The following VWC2L variants were observed in gnomAD, a reference collection of about 807,000 sequenced individuals.
VWC2L encodes von Willebrand factor C domain containing 2 like, also known as von Willebrand factor C domain-containing protein 2-like.
A neutral mutation model predicts 21.6 loss-of-function variants in VWC2L; 10 were observed. The observed-to-expected ratio is 0.46, with a 90% confidence interval of 0.29 to 0.78. The LOEUF is 0.78. Ranked by LOEUF, VWC2L falls within the 30% of genes least tolerant of loss-of-function variation. The pLI is 0.10. For synonymous variants in VWC2L, 96 were observed against 94.3 expected, an observed-to-expected ratio of 1.02 and a Z score of -0.10; for missense variants, 209 against 277.1, an observed-to-expected ratio of 0.75 and a Z score of 1.74.
intron 3 of VWC2L, among the ~76,000 whole-genome samples, chr2:214,485,816 C>G (rs1387259225): frequency 1.3e-5 from 2 of 152,144 alleles, no homozygotes; most frequent in African/African-American, 4.8e-5. Flanking sequence ...TCTCTAGTGC[C>G]TAGCTGAATT....
At chr2:214,445,086 AT>A (rs1415045555) in intron 3 of VWC2L, among the ~76,000 whole-genome samples, 1 of 151,928 alleles carries the variant, frequency 6.6e-6, no homozygotes, top group Admixed American at 6.6e-5. Flanking sequence ...GTTAAAAAAA[AT>A]AAACAAATAT....
At position 214,563,285 on chromosome 2, in the gene VWC2L, C is replaced by T. The variant is rs188980764; in HGVS notation, c.521-12387C>T. Among the ~76,000 whole-genome samples the T allele has an allele frequency of 1.4e-3, 217 of 152,060 alleles. 3 individuals are homozygous for T. In the East Asian group the frequency reaches 0.022, roughly 15 times the overall value. On this transcript the variant is annotated intron_variant, in intron 3 of 3. Transcript: ENST00000312504. ...GTTGTAGGCCGGGTGCGGTGGTGCA[C>T]GCCTGTAATCCCAGCACTTTGGGAG... is the stretch of plus-strand genomic sequence containing the variant.
chr2:214,445,594 GAA>G (rs1251084650), intron 3 of VWC2L, among the ~76,000 whole-genome samples: 6 of 151,186 alleles, frequency 4.0e-5, no homozygotes, highest in African/African-American at 1.2e-4. Flanking sequence ...ACATGTATAG[GAA>G]AAAGACTAGA....
chr2:214,446,263 C>T (rs1482953388), intron 3 of VWC2L, among the ~76,000 whole-genome samples: 1 of 152,160 alleles, frequency 6.6e-6, no homozygotes, highest in Non-Finnish European at 1.5e-5. Flanking sequence ...CTATGAAAGG[C>T]AGTTTCAAAG....
chr2:214,546,523 G>A (rs1052328523), intron 3 of VWC2L, among the ~76,000 whole-genome samples: 5 of 152,132 alleles, frequency 3.3e-5, no homozygotes, highest in Non-Finnish European at 7.4e-5. Flanking sequence ...CATTGCCAGA[G>A]ATTGTTAGTT....
At position 214,414,490 on chromosome 2, in the gene VWC2L, A is replaced by C; in HGVS notation, c.297A>C (p.Lys99Asn). The change falls in exon 2 of 4, where the codon AAA (lysine) becomes AAC (asparagine). Residue 99 changes from lysine to asparagine, a missense_variant. Lys to Asn is a moderately conservative substitution (Grantham distance 94). Transcript: ENST00000312504. ...CTAAAATTCACCCAAAGTGTACTAA[A>C]GTGGAACACAATGGATGCTGTCCTG... ...ECPKIHPKCT[K>N]VEHNGCCPEC... The C allele has an allele frequency of 6.2e-7, 1 of 1,613,590 alleles. No individual in the cohort carries two copies. Among genetic ancestry groups the C allele is most frequent in the Non-Finnish European group, 8.5e-7 (1 of 1,179,694 alleles).
intron 3 of VWC2L, among the ~76,000 whole-genome samples, chr2:214,453,935 G>T (rs1197151187): frequency 6.6e-6 from 1 of 151,920 alleles, no homozygotes; most frequent in East Asian, 1.9e-4. Context: ...TGCCCAGGCT[G>T]GTCTCGAACT....
At chr2:214,540,374 G>A (rs1293192125) in intron 3 of VWC2L, among the ~76,000 whole-genome samples, 1 of 152,120 alleles carries the variant, frequency 6.6e-6, no homozygotes, top group Non-Finnish European at 1.5e-5. Flanking sequence ...CATAGGCAAG[G>A]TTCTGCAGAT....
At chr2:214,511,093 C>A (rs921332320) in intron 3 of VWC2L, among the ~76,000 whole-genome samples, 1 of 151,884 alleles carries the variant, frequency 6.6e-6, no homozygotes. Context: ...CTGAGACCAG[C>A]CCAGGCAAGA....
chr2:214,541,545 G>T (rs1574626739), intron 3 of VWC2L, among the ~76,000 whole-genome samples: 1 of 152,238 alleles, frequency 6.6e-6, no homozygotes, highest in South Asian at 2.1e-4. Flanking sequence ...TAATTGTTTG[G>T]GTAGTGCATG....
intron 2 of VWC2L, among the ~76,000 whole-genome samples, chr2:214,428,923 A>C (rs1477505026): frequency 6.6e-6 from 1 of 152,054 alleles, no homozygotes; most frequent in Non-Finnish European, 1.5e-5. Flanking sequence ...TTAGACCCTA[A>C]AAGGTCTTAA....
chr2:214,414,047 T>G, intron 1 of VWC2L, 67 bp from the exon 2 acceptor site: 1 of 884,826 alleles, frequency 1.1e-6, no homozygotes, highest in East Asian at 2.7e-5. Flanking sequence ...TTTAAGAGCG[T>G]GGGCTTAAAT....
chr2:214,526,407 A>G (rs542953155), intron 3 of VWC2L, among the ~76,000 whole-genome samples: 46 of 152,320 alleles, frequency 3.0e-4, no homozygotes, highest in African/African-American at 1.1e-3. Flanking sequence ...CCATATTCAT[A>G]TAATACTTTT....
At chr2:214,513,867 A>T (rs1161963233) in intron 3 of VWC2L, among the ~76,000 whole-genome samples, 2 of 152,128 alleles carry the variant, frequency 1.3e-5, no homozygotes, top group Non-Finnish European at 2.9e-5. Context: ...AGGTGTATGA[A>T]GTCTTCCCTT....
intron 3 of VWC2L, among the ~76,000 whole-genome samples, chr2:214,562,081 A>C (rs909918101): frequency 1.3e-5 from 2 of 152,006 alleles, no homozygotes; most frequent in Non-Finnish European, 2.9e-5. Context: ...GATTTGCTGC[A>C]CCTATCAACT....
At chr2:214,575,101 C>T (rs1364855317) in intron 3 of VWC2L, among the ~76,000 whole-genome samples, 1 of 148,240 alleles carries the variant, frequency 6.7e-6, no homozygotes, top group Non-Finnish European at 1.5e-5. Flanking sequence ...ATCAAATGAA[C>T]CTCTAACAAA....
intron 3 of VWC2L, among the ~76,000 whole-genome samples, chr2:214,505,725 A>G (rs1206972610): frequency 6.6e-6 from 1 of 152,138 alleles, no homozygotes; most frequent in African/African-American, 2.4e-5. Context: ...CTGGCCCTGT[A>G]TTCAATTCAA....
intron 3 of VWC2L, among the ~76,000 whole-genome samples, chr2:214,442,786 A>T (rs181283800): frequency 6.6e-6 from 1 of 152,270 alleles, no homozygotes; most frequent in East Asian, 1.9e-4. Context: ...CAAAGATTGC[A>T]AACTAAAAAA....
chr2:214,559,459 TC>T (rs1689929416), intron 3 of VWC2L, among the ~76,000 whole-genome samples: 1 of 152,134 alleles, frequency 6.6e-6, no homozygotes, highest in Non-Finnish European at 1.5e-5. Context: ...TAGAAGCTGT[TC>T]CTGTGGGGCT....
Sources: gnomAD v4.1 joint callset for allele counts (sites outside exome capture counted in the v4.1 genomes callset) on GRCh38, gnomAD v4.1.1 for gene constraint, MANE v1.5 for transcripts, NCBI Gene and HGNC (gene_info 2026-07-23, HGNC 2026-07-21) for gene names.